ERICH5: variants seen among roughly 807,000 people sequenced by gnomAD.
The protein encoded by ERICH5 is glutamate rich 5.
Under a neutral mutation model 28.0 loss-of-function variants are expected in ERICH5, and 24 were observed. That is an observed-to-expected ratio of 0.86 (90% CI 0.62 to 1.21). ERICH5 has a LOEUF of 1.21. Ranked by LOEUF, ERICH5 falls within the 50% of genes most tolerant of loss-of-function variation. ERICH5 has a pLI of 0.00. For synonymous variants in ERICH5, 163 were observed against 157.6 expected (o/e 1.03, Z -0.25); for missense variants, 421 against 441.2 (o/e 0.95, Z 0.41).
At chr8:98,071,392 G>A (rs1046332048) in intron 1 of ERICH5, among the ~76,000 whole-genome samples, 39 of 152,204 alleles carry the variant, frequency 2.6e-4, no homozygotes, top group African/African-American at 9.4e-4. Flanking sequence ...CCCTGAATAC[G>A]TGTGGGGGTT....
intron 1 of ERICH5, among the ~76,000 whole-genome samples, chr8:98,088,628 G>C (rs1214014039): frequency 6.6e-6 from 1 of 152,094 alleles, no homozygotes; most frequent in Non-Finnish European, 1.5e-5. Context: ...AGCAGCCCAA[G>C]GACCTCGCAT....
intron 1 of ERICH5, among the ~76,000 whole-genome samples, chr8:98,084,404 C>G (rs955757803): frequency 6.6e-5 from 10 of 152,044 alleles, no homozygotes; most frequent in African/African-American, 2.2e-4. Context: ...GTTTTTGAGT[C>G]GAAGTCTCGC....
chr8:98,084,732 C>CT (rs972991053), intron 1 of ERICH5, among the ~76,000 whole-genome samples: 68 of 151,942 alleles, frequency 4.5e-4, no homozygotes, highest in African/African-American at 1.4e-3. Flanking sequence ...GCTCACAATT[C>CT]TTTTTTTTAG....
intron 1 of ERICH5, among the ~76,000 whole-genome samples, chr8:98,084,700 G>T (rs1238119467): frequency 2.0e-5 from 3 of 152,102 alleles, no homozygotes; most frequent in African/African-American, 7.2e-5. Context: ...TTAAAATCCA[G>T]ATTGGATTGA....
intron 2 of ERICH5, among the ~76,000 whole-genome samples, chr8:98,091,199 G>A (rs1815376576): frequency 6.6e-6 from 1 of 152,186 alleles, no homozygotes; most frequent in African/African-American, 2.4e-5. Context: ...GCCTCCCAAA[G>A]TGCCGGGATT....
chr8:98,077,132 A>G (rs1396629705), intron 1 of ERICH5, among the ~76,000 whole-genome samples: 1 of 152,060 alleles, frequency 6.6e-6, no homozygotes, highest in Non-Finnish European at 1.5e-5. Flanking sequence ...AATTTCCTCA[A>G]CTATATAATG....
intron 1 of ERICH5, among the ~76,000 whole-genome samples, chr8:98,084,011 A>ACTGGTATTACAGGTTCACACCACCATG (rs1815227541): frequency 1.3e-5 from 2 of 151,712 alleles, no homozygotes; most frequent in Non-Finnish European, 2.9e-5. Flanking sequence ...CTTCTAAGTA[A>ACTGGTATTACAGGTTCACACCACCATG]CTGGTATTAC....
chr8:98,083,097 C>T (rs1350130218), intron 1 of ERICH5, among the ~76,000 whole-genome samples: 3 of 152,036 alleles, frequency 2.0e-5, no homozygotes, highest in Admixed American at 6.6e-5. Context: ...TTGGGTGTGT[C>T]GGCACATTTT....
At chr8:98,065,560 A>C (rs1814805070) in intron 1 of ERICH5, among the ~76,000 whole-genome samples, 1 of 152,246 alleles carries the variant, frequency 6.6e-6, no homozygotes, top group South Asian at 2.1e-4. Flanking sequence ...AGAGACAGAA[A>C]AGAAACACGT....
intron 1 of ERICH5, among the ~76,000 whole-genome samples, chr8:98,070,123 C>T (rs1036828043): frequency 6.6e-6 from 1 of 152,096 alleles, no homozygotes; most frequent in Admixed American, 6.6e-5. Flanking sequence ...GGGCACATGG[C>T]TAATGTGTGT....
At chr8:98,070,835 C>T (rs1814904280) in intron 1 of ERICH5, among the ~76,000 whole-genome samples, 1 of 151,896 alleles carries the variant, frequency 6.6e-6, no homozygotes, top group Non-Finnish European at 1.5e-5. Context: ...GAATCAGAAC[C>T]TAATGAATAC....
Position 98,091,885 on chromosome 8 carries a change from TTTC to T in ERICH5, c.1013-1333_1013-1331del, listed in dbSNP as rs1290057911. 6.7e-4 allele frequency among the ~76,000 whole-genome samples: 62 copies of T among 92,686 alleles called. 1 individual carries two copies. Among genetic ancestry groups the T allele is most frequent in the East Asian group, 3.8e-3 (12 of 3,138 alleles). The allele number at this position is 92,686 out of a possible 152,430, so 60.8% of individuals were successfully genotyped here. Reference sequence around the variant, plus strand: ...CTTTCTTTCTTTCTTTCTTTCTTTCTTTCTTTCTTTCTTTCCTTTCTTTCTTTC... The same window carrying T: ...CTTTCTTTCTTTCTTTCTTTCTTTCTTTTCTTTCTTTCCTTTCTTTCTTTC... On this transcript the variant is annotated intron_variant, in intron 2 of 2. Transcript: ENST00000318528.
At chr8:98,080,337 C>T (rs1472092993) in intron 1 of ERICH5, among the ~76,000 whole-genome samples, 1 of 152,178 alleles carries the variant, frequency 6.6e-6, no homozygotes, top group Non-Finnish European at 1.5e-5. Context: ...ATGGTGGAGT[C>T]AGGATTCACA....
At chr8:98,090,072 A>C in intron 2 of ERICH5, 43 bp downstream of exon 2, 1 of 1,424,020 alleles carries the variant, frequency 7.0e-7, no homozygotes, top group Non-Finnish European at 9.7e-7. Context: ...GATGTGCTCC[A>C]TAGGAGACCA....
At chr8:98,091,887 T>TC (rs879794738) in intron 2 of ERICH5, among the ~76,000 whole-genome samples, 2,872 of 83,702 alleles carry the variant, frequency 0.034, 49 homozygotes, top group Non-Finnish European at 0.035. Flanking sequence ...TTTCTTTCTT[T>TC]CTTTCTTTCT....
chr8:98,076,076 G>GTC (rs34323229), intron 1 of ERICH5, among the ~76,000 whole-genome samples: 1 of 151,146 alleles, frequency 6.6e-6, no homozygotes, highest in Non-Finnish European at 1.5e-5. Context: ...GTGAGATGGA[G>GTC]TCTCTCTCTC....
At chr8:98,073,534 A>ATG (rs1814988490) in intron 1 of ERICH5, among the ~76,000 whole-genome samples, 1 of 32,516 alleles carries the variant, frequency 3.1e-5, no homozygotes, top group African/African-American at 1.4e-4. Context: ...ATATATATAT[A>ATG]TATATATATA....
chr8:98,073,540 A>T, intron 1 of ERICH5, among the ~76,000 whole-genome samples: 1 of 37,746 alleles, frequency 2.6e-5, no homozygotes, highest in Non-Finnish European at 4.5e-5. Flanking sequence ...ATATATATAT[A>T]TATATAATTT....
intron 1 of ERICH5, among the ~76,000 whole-genome samples, chr8:98,079,164 TC>T (rs869282578): frequency 6.5e-5 from 3 of 46,234 alleles, no homozygotes; most frequent in Admixed American, 2.4e-4. Flanking sequence ...TTTTTTTTTT[TC>T]CTTTTTTTTT....
Sources: gnomAD v4.1 joint callset for allele counts (sites outside exome capture counted in the v4.1 genomes callset) on GRCh38, gnomAD v4.1.1 for gene constraint, MANE v1.5 for transcripts, NCBI Gene and HGNC (gene_info 2026-07-23, HGNC 2026-07-21) for gene names.